CADPS: variants seen among roughly 807,000 people sequenced by gnomAD.
CADPS encodes the protein calcium dependent secretion activator, also known as calcium-dependent secretion activator 1.
A neutral mutation model predicts 167.3 loss-of-function variants in CADPS; 57 were observed. The ratio of observed to expected loss-of-function variants is 0.34; its 90% CI spans 0.28 to 0.42. The LOEUF is 0.42. Among genes scored for constraint, CADPS ranks in the 20% least tolerant of loss-of-function variants. CADPS has a pLI of 1.00. For synonymous variants in CADPS, 676 were observed against 635.3 expected, an observed-to-expected ratio of 1.06 and a Z score of -0.96; for missense variants, 1,414 against 1,738.1, an observed-to-expected ratio of 0.81 and a Z score of 3.32.
chr3:62,673,343 G>T (rs1045325743), intron 3 of CADPS, among the ~76,000 whole-genome samples: 1 of 152,174 alleles, frequency 6.6e-6, no homozygotes, highest in Non-Finnish European at 1.5e-5. Flanking sequence ...AATGCAAATG[G>T]TTTAAACTTA....
chr3:62,409,095 A>G, intron 28 of CADPS, among the ~76,000 whole-genome samples: 1 of 152,348 alleles, frequency 6.6e-6, no homozygotes, highest in Non-Finnish European at 1.5e-5. Flanking sequence ...CTTGAACTCA[A>G]GATGTTGATA....
At chr3:62,788,841 T>G (rs2092692423) in intron 1 of CADPS, among the ~76,000 whole-genome samples, 1 of 152,138 alleles carries the variant, frequency 6.6e-6, no homozygotes, top group Non-Finnish European at 1.5e-5. Context: ...TCCAAGAGGA[T>G]TTTAAAAATA....
Position 62,475,584 on chromosome 3 carries a change from GAAAAAAAAAA to G in CADPS, c.3330-1274_3330-1265del, listed in dbSNP as rs34263556. ...CTAAGGTTGGGAGCCCAGTTCTTAA[GAAAAAAAAAA>G]AAAAAAAAAAAAAAAAAACACCTAA... On this transcript the variant is annotated intron_variant, in intron 23 of 29. Coordinates refer to ENST00000383710, the MANE Select transcript of CADPS (RefSeq NM_003716.4). 8.6e-3 allele frequency among the ~76,000 whole-genome samples: 484 copies of G among 55,960 alleles called. 13 individuals are homozygous for G. In the Admixed American group the frequency reaches 0.1, roughly 12 times the overall value. 36.7% of individuals were successfully genotyped at this position (55,960 alleles called of 152,430 possible).
rs886581219 is a variant in CADPS, at chr3:62,704,666, T to C, written c.889-42272A>G. 2.6e-5 allele frequency among the ~76,000 whole-genome samples: 4 copies of C among 152,248 alleles called. No homozygotes were observed. The East Asian group carries it at 5.8e-4, about 22-fold the overall frequency. On this transcript the variant is annotated intron_variant, in intron 3 of 29. Transcript: ENST00000383710. Reference sequence around the variant, plus strand: ...TCACTGACAAATGCTAGGGATTATTTGGGATGGTTTATTCCTCTTGTATAA... The same window carrying C: ...TCACTGACAAATGCTAGGGATTATTCGGGATGGTTTATTCCTCTTGTATAA...
At chr3:62,667,836 A>C (rs151259425) in intron 3 of CADPS, among the ~76,000 whole-genome samples, 1 of 152,046 alleles carries the variant, frequency 6.6e-6, no homozygotes, top group East Asian at 1.9e-4. Flanking sequence ...CACTATGCAA[A>C]TAGGTCTACG....
At chr3:62,794,793 A>AAAAAAAAAAG (rs762285370) in intron 1 of CADPS, among the ~76,000 whole-genome samples, 2,631 of 136,480 alleles carry the variant, frequency 0.019, 43 homozygotes, top group East Asian at 0.044. Context: ...AAAAAAAAAA[A>AAAAAAAAAAG]AAAAAAAAAA....
chr3:62,563,580 T>C (rs1279031457), intron 9 of CADPS, among the ~76,000 whole-genome samples: 5 of 152,208 alleles, frequency 3.3e-5, no homozygotes, highest in African/African-American at 1.2e-4. Context: ...GAACAGGTGA[T>C]ATTCAGTTAC....
At chr3:62,461,471 C>T (rs7640870) in intron 26 of CADPS, among the ~76,000 whole-genome samples, 24,690 of 152,068 alleles carry the variant, frequency 0.16, 3,693 homozygotes, top group African/African-American at 0.4. Context: ...GCTGAGCTCT[C>T]CGGTATATCA....
intron 6 of CADPS, among the ~76,000 whole-genome samples, chr3:62,605,741 G>A (rs864116): frequency 0.98 from 148,495 of 152,292 alleles, 72,513 homozygotes; most frequent in East Asian, 1. Context: ...CTTTTGTGAG[G>A]TGAGGAAATA....
At position 62,573,781 on chromosome 3, in the gene CADPS, T is replaced by C. The variant is rs368664061; in HGVS notation, c.1578-2843A>G. 2.9e-4 allele frequency among the ~76,000 whole-genome samples: 44 copies of C among 152,336 alleles called. No individual in the cohort carries two copies. The East Asian group carries it at 3.3e-3, about 11-fold the overall frequency. ...TGTTACAGTTATCACACAGCTTTAA[T>C]TTATTTGTGGTTATATTTATTGTTC... On this transcript the variant is annotated intron_variant, in intron 8 of 29. Transcript: ENST00000383710.
intron 1 of CADPS, among the ~76,000 whole-genome samples, chr3:62,852,834 T>G (rs1375076381): frequency 6.6e-6 from 1 of 152,238 alleles, no homozygotes; most frequent in East Asian, 1.9e-4. Flanking sequence ...ACTTCATATC[T>G]GAGTTATCTA....
intron 26 of CADPS, among the ~76,000 whole-genome samples, chr3:62,462,211 A>C (rs2059433124): frequency 1.3e-5 from 2 of 152,250 alleles, no homozygotes. Context: ...TGATCTTTCA[A>C]AAGTTCGAAA....
rs955511062 is a variant in CADPS, at chr3:62,421,179, C to T, written c.3777+16925G>A. On this transcript the variant is annotated intron_variant, in intron 28 of 29. Coordinates refer to ENST00000383710, the MANE Select transcript of CADPS (RefSeq NM_003716.4). This position sits in a 1 kb window ranked among gnomAD's most constrained non-coding sequence, Gnocchi z 4.7. Reference sequence around the variant, plus strand: ...ATTAGCCATGAGTTAATACGTGAGGCCCGGATCACTCTGCCTTGCCGTCAA... The same window carrying T: ...ATTAGCCATGAGTTAATACGTGAGGTCCGGATCACTCTGCCTTGCCGTCAA... 2.6e-5 allele frequency among the ~76,000 whole-genome samples: 4 copies of T among 152,120 alleles called. No homozygotes were observed. Among genetic ancestry groups the T allele is most frequent in the Admixed American group, 6.5e-5 (1 of 15,272 alleles).
At chr3:62,714,927 T>C (rs761855732) in intron 3 of CADPS, among the ~76,000 whole-genome samples, 1 of 152,130 alleles carries the variant, frequency 6.6e-6, no homozygotes, top group African/African-American at 2.4e-5. Flanking sequence ...TTAAACAAAG[T>C]TTCAAAAAAT....
At chr3:62,498,057 A>G in intron 18 of CADPS, 1 of 453,774 alleles carries the variant, frequency 2.2e-6, no homozygotes, top group Non-Finnish European at 4.4e-6. Context: ...CAGGAGCACC[A>G]GGAAAAGTCC....
rs538507678 is a variant in CADPS at position 62,472,897 on chromosome 3, C to T, written c.3477+1276G>A. ...GAAGTCAGGTTTACATACTGAGTAT[C>T]CAGATCAGTGGTTCTCATAGTGTGG... is the stretch of plus-strand genomic sequence containing the variant. On this transcript the variant is annotated intron_variant, in intron 24 of 29. Transcript: ENST00000383710. 6.4e-4 allele frequency among the ~76,000 whole-genome samples: 98 copies of T among 152,342 alleles called. 2 individuals carry two copies. The South Asian group carries it at 0.014, about 22-fold the overall frequency.
intron 1 of CADPS, among the ~76,000 whole-genome samples, chr3:62,846,054 G>GCTCT (rs112418953): frequency 9.4e-5 from 14 of 148,260 alleles, no homozygotes; most frequent in South Asian, 2.2e-4. Context: ...TTCCCCCTTT[G>GCTCT]CTCTCTCTCT....
At chr3:62,440,427 G>T (rs1469200760) in intron 27 of CADPS, 1 of 151,650 alleles carries the variant, frequency 6.6e-6, no homozygotes, top group Non-Finnish European at 1.5e-5. Flanking sequence ...ATGGTCATCA[G>T]CTAGAATAAT....
intron 1 of CADPS, among the ~76,000 whole-genome samples, chr3:62,831,045 C>T (rs1454030133): frequency 1.3e-5 from 2 of 151,992 alleles, no homozygotes; most frequent in Non-Finnish European, 2.9e-5. Context: ...GATTATAACC[C>T]AGGAAATTTG....
Sources: gnomAD v4.1 joint callset for allele counts (sites outside exome capture counted in the v4.1 genomes callset) on GRCh38, gnomAD v4.1.1 for gene constraint, Gnocchi (gnomAD v3.1) non-coding constraint, MANE v1.5 for transcripts, NCBI Gene and HGNC (gene_info 2026-07-23, HGNC 2026-07-21) for gene names.